The following EDIL3 variants were observed in gnomAD, a reference collection of about 807,000 sequenced individuals.
EDIL3 encodes EGF-like repeat and discoidin I-like domain-containing protein 3.
EDIL3 carries 37 observed loss-of-function variants against 67.4 expected under a neutral mutation model. That is an observed-to-expected ratio of 0.55 (90% CI 0.42 to 0.72). The LOEUF is 0.72. Ranked by LOEUF, EDIL3 falls within the 30% of genes least tolerant of loss-of-function variation. The pLI, the probability that EDIL3 is intolerant of heterozygous loss-of-function variation, is 0.00. For synonymous variants in EDIL3, 195 were observed against 196.3 expected (o/e 0.99, Z 0.05); for missense variants, 527 against 586.3 (o/e 0.90, Z 1.04).
intron 1 of EDIL3, among the ~76,000 whole-genome samples, chr5:84,350,043 C>T (rs1449092594): frequency 6.6e-6 from 1 of 152,084 alleles, no homozygotes; most frequent in Non-Finnish European, 1.5e-5. Flanking sequence ...CAAAGTTACA[C>T]ATGTACTATA....
intron 3 of EDIL3, among the ~76,000 whole-genome samples, chr5:84,212,860 C>G (rs547740512): frequency 1.6e-4 from 25 of 152,178 alleles, no homozygotes; most frequent in African/African-American, 5.1e-4. Flanking sequence ...CTTACGGGAC[C>G]AGTTTTCATT....
chr5:84,002,491 C>T (rs1302372198), intron 9 of EDIL3, among the ~76,000 whole-genome samples: 1 of 152,136 alleles, frequency 6.6e-6, no homozygotes, highest in Non-Finnish European at 1.5e-5. Context: ...AGGAAGAAGT[C>T]AAATTATCCT....
At chr5:84,025,382 GATC>G (rs1745793219) in intron 9 of EDIL3, among the ~76,000 whole-genome samples, 1 of 152,104 alleles carries the variant, frequency 6.6e-6, no homozygotes, top group African/African-American at 2.4e-5. Context: ...CAGATCAGCA[GATC>G]ATCAGACTGT....
intron 9 of EDIL3, among the ~76,000 whole-genome samples, chr5:84,056,651 A>G (rs993111429): frequency 2.6e-5 from 4 of 152,010 alleles, no homozygotes; most frequent in African/African-American, 9.7e-5. Context: ...CAGAAATAAA[A>G]CTCCATTAGA....
intron 10 of EDIL3, among the ~76,000 whole-genome samples, chr5:83,955,513 A>C (rs1432293192): frequency 1.7e-4 from 26 of 151,702 alleles, no homozygotes; most frequent in Admixed American, 1.7e-3. Flanking sequence ...TTGGAGAAAA[A>C]AGATAATTAG....
chr5:84,106,185 T>C (rs1345759182), intron 6 of EDIL3, among the ~76,000 whole-genome samples: 4 of 152,110 alleles, frequency 2.6e-5, no homozygotes, highest in Admixed American at 6.6e-5. Context: ...AATAACACTA[T>C]GAAATGAAAC....
At chr5:84,170,982 A>G (rs1194398847) in intron 4 of EDIL3, among the ~76,000 whole-genome samples, 9 of 151,938 alleles carry the variant, frequency 5.9e-5, no homozygotes. Context: ...TTGAGGAGAG[A>G]TGGAGTTTCA....
chr5:84,090,490 A>G (rs111648980), intron 6 of EDIL3, among the ~76,000 whole-genome samples: 4,321 of 152,250 alleles, frequency 0.028, 199 homozygotes, highest in African/African-American at 0.098. Flanking sequence ...CGCTGGGGGT[A>G]TCTGCCCGTT....
intron 9 of EDIL3, among the ~76,000 whole-genome samples, chr5:83,976,718 CCCA>C (rs1744883172): frequency 6.6e-6 from 1 of 151,664 alleles, no homozygotes; most frequent in East Asian, 1.9e-4. Flanking sequence ...TTTACTTCTC[CCCA>C]CCAAGTATAC....
At chr5:84,094,933 G>A (rs1478910615) in intron 6 of EDIL3, among the ~76,000 whole-genome samples, 2 of 152,096 alleles carry the variant, frequency 1.3e-5, no homozygotes, top group Non-Finnish European at 2.9e-5. Flanking sequence ...TTGCTGCCAA[G>A]GCTGTCTGCC....
intron 3 of EDIL3, among the ~76,000 whole-genome samples, chr5:84,215,253 G>A (rs1744204575): frequency 6.6e-6 from 1 of 151,966 alleles, no homozygotes; most frequent in East Asian, 1.9e-4. Flanking sequence ...AGTAAGATGA[G>A]CAGATTTTTT....
chr5:84,192,899 G>T (rs1018196181), intron 3 of EDIL3, among the ~76,000 whole-genome samples: 1 of 151,980 alleles, frequency 6.6e-6, no homozygotes, highest in South Asian at 2.1e-4. Flanking sequence ...CTCTGAAGAA[G>T]TGAAGCATAG....
intron 5 of EDIL3, among the ~76,000 whole-genome samples, chr5:84,119,391 A>C (rs2112297245): frequency 6.6e-6 from 1 of 152,044 alleles, no homozygotes; most frequent in African/African-American, 2.4e-5. Context: ...GCATCTCCTT[A>C]ATACCATATT....
chr5:84,073,606 A>C (rs1746788364), intron 6 of EDIL3, among the ~76,000 whole-genome samples: 1 of 152,214 alleles, frequency 6.6e-6, no homozygotes, highest in African/African-American at 2.4e-5. Context: ...AATTGCTTCA[A>C]AGAGAATAAA....
chr5:84,027,903 T>C (rs116333639), intron 9 of EDIL3, among the ~76,000 whole-genome samples: 4 of 152,210 alleles, frequency 2.6e-5, no homozygotes, highest in Non-Finnish European at 4.4e-5. Flanking sequence ...ATGCTGTATG[T>C]TGTCTCTGAG....
At chr5:84,267,483 T>C (rs1334184224) in intron 1 of EDIL3, among the ~76,000 whole-genome samples, 2 of 152,158 alleles carry the variant, frequency 1.3e-5, no homozygotes, top group African/African-American at 4.8e-5. Flanking sequence ...TAGACCAGCT[T>C]TCAAAAAGAT....
chr5:83,982,331 A>C (rs1744984564), intron 9 of EDIL3, among the ~76,000 whole-genome samples: 1 of 152,084 alleles, frequency 6.6e-6, no homozygotes, highest in African/African-American at 2.4e-5. Context: ...AATAACTTAA[A>C]ATTAATAGAT....
At chr5:84,328,845 G>C (rs1746817515) in intron 1 of EDIL3, among the ~76,000 whole-genome samples, 1 of 152,068 alleles carries the variant, frequency 6.6e-6, no homozygotes, top group Admixed American at 6.6e-5. Context: ...GAAGATACTT[G>C]TAAGGCTTTT....
At chr5:84,298,594 G>A (rs1462315194) in intron 1 of EDIL3, among the ~76,000 whole-genome samples, 1 of 152,110 alleles carries the variant, frequency 6.6e-6, no homozygotes, top group Non-Finnish European at 1.5e-5. Context: ...TAACAAACCT[G>A]CAAATCCTGC....
Sources: gnomAD v4.1 joint callset for allele counts (sites outside exome capture counted in the v4.1 genomes callset) on GRCh38, gnomAD v4.1.1 for gene constraint, MANE v1.5 for transcripts, NCBI Gene and HGNC (gene_info 2026-07-23, HGNC 2026-07-21) for gene names.